Variants in CLPX observed in about 807,000 individuals in gnomAD.
The protein encoded by CLPX is ATP-dependent clpX-like chaperone, mitochondrial.
In CLPX, 34 loss-of-function variants were observed where a neutral mutation model predicts 76.4. The ratio of observed to expected loss-of-function variants is 0.45; its 90% CI spans 0.34 to 0.59. CLPX has a LOEUF of 0.59. Among genes scored for constraint, CLPX ranks in the 20% least tolerant of loss-of-function variants. The probability of loss-of-function intolerance (pLI) is 0.01; values close to 1 mark genes in which losing one functional copy is unlikely to be tolerated. For synonymous variants in CLPX, 248 were observed against 270.9 expected (o/e 0.92, Z 0.83); for missense variants, 613 against 757.0 (o/e 0.81, Z 2.23).
intron 12 of CLPX, among the ~76,000 whole-genome samples, chr15:65,153,102 C>T (rs548354276): frequency 1.5e-4 from 22 of 151,704 alleles, no homozygotes; most frequent in African/African-American, 4.8e-4. Context: ...TTGCAAACAC[C>T]TTGAAGTTCC....
In CLPX at chr15:65,164,153, C is replaced by T; in HGVS notation, c.549G>A (p.Gln183=). The T allele has an allele frequency of 6.2e-7, 1 of 1,612,342 alleles. No homozygotes were observed. The highest frequency in any genetic ancestry group is 8.5e-7 in the Non-Finnish European group (1 of 1,179,136). The part of the protein sequence containing the change: ...YNYLDKYVVG[Q]SFAKKVLSVA... ...CTGAAAGCACCTTCTTAGCAAATGA[C>T]TGGCCAACAACATACTTGTCGAGGT... The change falls in exon 5 of 14, where the codon CAG becomes CAA. Residue 183 remains glutamine, a synonymous_variant. Coordinates refer to ENST00000300107, the MANE Select transcript of CLPX (RefSeq NM_006660.5).
chr15:65,183,226 G>A (rs2088201427), intron 1 of CLPX, among the ~76,000 whole-genome samples: 2 of 151,912 alleles, frequency 1.3e-5, no homozygotes, highest in Admixed American at 1.3e-4. Flanking sequence ...ACTTTGGGAG[G>A]CCGAGGCGGA....
Position 65,185,116 on chromosome 15 carries a change from G to A in CLPX, c.38C>T (p.Ala13Val), listed in dbSNP as rs773791111. The change falls in exon 1 of 14, where the codon GCC becomes GTC. Residue 13 changes from alanine to valine, a missense_variant. This residue lies in a region of CLPX where 163 missense variants were observed against 118.4 expected (regional missense o/e 1.38). Transcript: ENST00000300107. ...SCGACTCGAA[A>V]VRLITSSLAS... ...GAGTGAGGAGGTGATGAGCCGGACG[G>A]CCGCCGCGCCGCAAGTACAAGCACC... 1.4e-5 allele frequency: 22 copies of A among 1,580,420 alleles called. No homozygotes were observed. Among genetic ancestry groups the A allele is most frequent in the Non-Finnish European group, 1.8e-5 (21 of 1,164,000 alleles).
In CLPX at chr15:65,157,808, A is replaced by G. The variant is rs756514374; in HGVS notation, c.995T>C (p.Ile332Thr). 1.1e-5 allele frequency: 18 copies of G among 1,614,016 alleles called. No individual in the cohort carries two copies. The South Asian group carries it at 1.2e-4, about 11-fold the overall frequency. The change falls in exon 8 of 14, where the codon ATT (isoleucine) becomes ACT (threonine). Residue 332 changes from isoleucine to threonine, a missense_variant. By Grantham distance (89) the Ile-to-Thr change is moderately conservative (BLOSUM62 -1). Around this residue, in one of 2 missense-constraint regions of CLPX, gnomAD observed 450 missense variants for 638.6 expected, o/e 0.70. Coordinates refer to ENST00000300107, the MANE Select transcript of CLPX (RefSeq NM_006660.5). ...LTQAGYVGED[I>T]ESVIAKLLQD... Reference sequence around the variant, plus strand: ...GAGTAGTTTTGCAATCACAGATTCAATATCTTCGCCTACATATCCAGCCTG... The same window carrying G: ...GAGTAGTTTTGCAATCACAGATTCAGTATCTTCGCCTACATATCCAGCCTG...
intron 4 of CLPX, 57 bp downstream of exon 4, chr15:65,166,574 A>G: frequency 6.4e-7 from 1 of 1,552,544 alleles, no homozygotes; most frequent in South Asian, 1.1e-5. Context: ...TGGGAGAGGG[A>G]AGCAATGGAA....
rs2088141299 is a variant in CLPX, at chr15:65,179,947, C to T, written c.240+97G>A. The stretch of plus-strand genomic sequence containing the variant: ...CATTTTAGCTATCTCATATTTCCTA[C>T]AGAAAACATATAAGCCAGTAAGAGA... On this transcript the variant is annotated intron_variant, in intron 2 of 13. Transcript: ENST00000300107. The T allele has an allele frequency of 1.2e-5, 9 of 780,216 alleles. No individual in the cohort carries two copies. In the South Asian group the frequency reaches 1.2e-4, roughly 10 times the overall value. The allele number at this position is 780,216 out of a possible 1,614,324, so 48.3% of individuals were successfully genotyped here. A position where few individuals can be genotyped will look rare whatever the true frequency, so the allele number is the denominator to read the frequency against.
chr15:65,171,446 C>CA (rs749202474), intron 3 of CLPX, among the ~76,000 whole-genome samples: 1,719 of 101,324 alleles, frequency 0.017, 19 homozygotes, highest in African/African-American at 0.042. Flanking sequence ...GACTCAGTCT[C>CA]AAAAAAAAAA....
Position 65,177,501 on chromosome 15 carries a change from G to A in CLPX, c.358+1433C>T, listed in dbSNP as rs969417671. On this transcript the variant is annotated intron_variant, in intron 3 of 13. Coordinates refer to ENST00000300107, the MANE Select transcript of CLPX (RefSeq NM_006660.5). Reference sequence around the variant, plus strand: ...ACATCTAGTACCTTTTCATATGGTGGCCAATTATGGTTAATGGTAAGTGTG... The same window carrying A: ...ACATCTAGTACCTTTTCATATGGTGACCAATTATGGTTAATGGTAAGTGTG... Among the ~76,000 whole-genome samples the A allele has an allele frequency of 2.0e-5, 3 of 152,130 alleles. 1 individual carries two copies. The highest frequency in any genetic ancestry group is 3.2e-3 in the Middle Eastern group (1 of 316).
chr15:65,182,417 CTT>C (rs1439080782), intron 1 of CLPX, among the ~76,000 whole-genome samples: 3 of 152,072 alleles, frequency 2.0e-5, no homozygotes, highest in Non-Finnish European at 2.9e-5. Flanking sequence ...AAATATGCCT[CTT>C]TATTAACAAG....
intron 9 of CLPX, chr15:65,156,552 A>G (rs1011641619): frequency 1.8e-5 from 6 of 335,566 alleles, no homozygotes; most frequent in Non-Finnish European, 3.3e-5. Flanking sequence ...AACTTTCTTC[A>G]AAAGTCTTCT....
chr15:65,157,220 A>G (rs1042639310), intron 8 of CLPX, among the ~76,000 whole-genome samples: 22 of 152,344 alleles, frequency 1.4e-4, no homozygotes, highest in African/African-American at 5.3e-4. Flanking sequence ...GTATGGAAGC[A>G]GGAGGTATCT....
chr15:65,166,802 A>G lies in CLPX; in HGVS notation c.359-17T>C, dbSNP rs1356991021. 1 of 1,602,422 alleles carries G rather than the reference A, an allele frequency of 6.2e-7. No individual in the cohort carries two copies. Among genetic ancestry groups the G allele is most frequent in the African/African-American group, 1.4e-5 (1 of 73,986 alleles). ...GGGTGGATGCTGTAAAAGAAAACAG[A>G]CATAAGTAGAGGGAAATAAAAAATA... is the stretch of plus-strand genomic sequence containing the variant. On this transcript the variant is annotated splice_polypyrimidine_tract_variant and intron_variant, in intron 3 of 13. Transcript: ENST00000300107.
At chr15:65,174,097 C>G (rs2088052606) in intron 3 of CLPX, among the ~76,000 whole-genome samples, 2 of 151,248 alleles carry the variant, frequency 1.3e-5, no homozygotes, top group African/African-American at 4.9e-5. Context: ...GCTTCAGCCT[C>G]CTGAGTAGTT....
chr15:65,162,972 T>C (rs2087871003), intron 5 of CLPX, among the ~76,000 whole-genome samples: 1 of 152,182 alleles, frequency 6.6e-6, no homozygotes, highest in African/African-American at 2.4e-5. Context: ...AGCTTAAATA[T>C]CTATTTATTA....
In CLPX at chr15:65,154,895, A is replaced by C. The variant is rs1286789415; in HGVS notation, c.1498T>G (p.Leu500Val). Residue 500 changes from leucine to valine, a missense_variant, in exon 11 of 14, where the codon TTG becomes GTG. Physicochemically the swap from Leu to Val is conservative, Grantham distance 32 (BLOSUM62 1). This residue lies in a region of CLPX where 450 missense variants were observed against 638.6 expected (regional missense o/e 0.70). Transcript: ENST00000300107. ...FGMIPEFVGR[L>V]PVVVPLHSLD... ...CTATGCAATGGAACCACCACAGGCA[A>C]CCGTCCCACAAACTCAGGAATCATG... The C allele has an allele frequency of 6.2e-7, 1 of 1,614,208 alleles. No homozygotes were observed. Among genetic ancestry groups the C allele is most frequent in the East Asian group, 2.2e-5 (1 of 44,888 alleles).
At chr15:65,162,325 C>G (rs983198493) in intron 6 of CLPX, among the ~76,000 whole-genome samples, 3 of 152,152 alleles carry the variant, frequency 2.0e-5, no homozygotes, top group African/African-American at 7.2e-5. Flanking sequence ...CTGCCTCCCC[C>G]AAATTCCTGT....
intron 1 of CLPX, among the ~76,000 whole-genome samples, chr15:65,181,015 G>A (rs1018890072): frequency 2.4e-4 from 36 of 151,112 alleles, no homozygotes; most frequent in African/African-American, 5.8e-4. Context: ...CCTGGCCAAC[G>A]TGGTGAAACC....
At chr15:65,178,901 G>C (rs755663212) in intron 3 of CLPX, 33 bp downstream of exon 3, 53 of 1,184,808 alleles carry the variant, frequency 4.5e-5, no homozygotes, top group Non-Finnish European at 6.2e-5. Context: ...GAAAATGTAG[G>C]GAAAAAAGAA....
intron 6 of CLPX, 91 bp from the exon 7 acceptor site, chr15:65,158,842 C>A: frequency 2.9e-6 from 3 of 1,047,982 alleles, no homozygotes; most frequent in Non-Finnish European, 2.7e-6. Flanking sequence ...AACTAAATAT[C>A]GACATAGAAA....
Sources: gnomAD v4.1 joint callset for allele counts (sites outside exome capture counted in the v4.1 genomes callset) on GRCh38, gnomAD v4.1.1 for gene constraint, gnomAD v4.1.1 regional missense constraint, MANE v1.5 for transcripts, NCBI Gene and HGNC (gene_info 2026-07-23, HGNC 2026-07-21) for gene names.